The following FUZ variants were observed in gnomAD, a reference collection of about 807,000 sequenced individuals.
FUZ encodes the protein protein fuzzy homolog.
FUZ carries 31 observed loss-of-function variants against 43.1 expected under a neutral mutation model. The ratio of observed to expected loss-of-function variants is 0.72; its 90% CI spans 0.54 to 0.97. The LOEUF is 0.97. Among genes scored for constraint, FUZ ranks in the 50% least tolerant of loss-of-function variants. FUZ has a pLI of 0.00. For synonymous variants in FUZ, 274 were observed against 250.0 expected (o/e 1.10, Z -0.91); for missense variants, 539 against 543.8 (o/e 0.99, Z 0.09).
rs1482945946 is a variant in FUZ at position 49,807,157 on chromosome 19, A to T, written c.1251T>A (p.Leu417=). 1 of 1,612,960 alleles carries T rather than the reference A, an allele frequency of 6.2e-7. No homozygotes were observed. Among genetic ancestry groups the T allele is most frequent in the South Asian group, 1.1e-5 (1 of 91,012 alleles). Residue 417 remains leucine (L), a synonymous_variant, in exon 11 of 11, where the codon CTT becomes CTA. Coordinates refer to ENST00000313777, the MANE Select transcript of FUZ (RefSeq NM_025129.5). ...ATCACCCACTGCTAGGTAGTCAAAG[A>T]AGTGGGGTGAGGGCATGCAGAGTGT... ...ATHTLHALTP[L]L
At position 49,811,467 on chromosome 19, in the gene FUZ, C is replaced by G. The variant is rs781705103; in HGVS notation, c.388G>C (p.Ala130Pro). Residue 130 changes from alanine (A) to proline (P), a missense_variant and splice_region_variant, in exon 5 of 11, where the codon GCC (alanine) becomes CCC (proline). By Grantham distance (27) the Ala-to-Pro change is conservative. Coordinates refer to ENST00000313777, the MANE Select transcript of FUZ (RefSeq NM_025129.5). ...AAGCTGTCGATGAGGCAATAACTGG[C>G]CTAGGAGAGGAAGAAGGGACCAGCC... is the stretch of plus-strand genomic sequence containing the variant. Reference protein sequence around the residue: ...NVERLKKDLRASYCLIDSFLG... With the variant: ...NVERLKKDLRPSYCLIDSFLG... 7.4e-6 allele frequency: 12 copies of G among 1,613,636 alleles called. No homozygotes were observed. In the South Asian group the frequency reaches 1.3e-4, roughly 18 times the overall value.
rs1258260941 is a variant in FUZ at position 49,809,628 on chromosome 19, G to A, written c.493-53C>T. The A allele has an allele frequency of 6.5e-6, 10 of 1,526,718 alleles. No individual in the cohort carries two copies. The highest frequency in any genetic ancestry group is 4.8e-5 in the East Asian group (2 of 41,594). The allele number at this position is 1,526,718 out of a possible 1,614,324, so 94.6% of individuals were successfully genotyped here. On this transcript the variant is annotated intron_variant, in intron 5 of 10. Coordinates refer to ENST00000313777, the MANE Select transcript of FUZ (RefSeq NM_025129.5). This position sits in a 1 kb window ranked among gnomAD's most constrained non-coding sequence, Gnocchi z 5.1. The stretch of plus-strand genomic sequence containing the variant: ...AGTCAGCAGACAAGCGTAGGGGGTG[G>A]CAGCGACTTCCCAGATGGGCAGGGA...
upstream of FUZ, chr19:49,813,339 A>G (rs1323916884): frequency 4.8e-6 from 3 of 620,422 alleles, no homozygotes; most frequent in Non-Finnish European, 8.8e-6. Context: ...GCCGGAAGTC[A>G]CGGTACCCCT....
Position 49,807,129 on chromosome 19 carries a change from T to A in FUZ, c.*22A>T, listed in dbSNP as rs1380840817. On this transcript the variant is annotated 3_prime_UTR_variant, in exon 11 of 11. Transcript: ENST00000313777. The stretch of plus-strand genomic sequence containing the variant: ...AGACGCTAACAGCCCCATGTCTGTG[T>A]CCATCACCCACTGCTAGGTAGTCAA... 2 of 1,611,580 alleles carry A rather than the reference T, an allele frequency of 1.2e-6. No homozygotes were observed. The highest frequency in any genetic ancestry group is 2.2e-5 in the East Asian group (1 of 44,744).
chr19:49,812,839 C>A, intron 1 of FUZ, 103 bp from the exon 2 acceptor site: 1 of 1,484,032 alleles, frequency 6.7e-7, no homozygotes, highest in South Asian at 1.1e-5. Flanking sequence ...TCCATATGAC[C>A]TGGCAGTGCC....
At position 49,809,044 on chromosome 19, in the gene FUZ, G is replaced by A. The variant is rs554447895; in HGVS notation, c.786+119C>T. On this transcript the variant is annotated intron_variant, in intron 7 of 10. Coordinates refer to ENST00000313777, the MANE Select transcript of FUZ (RefSeq NM_025129.5). This position sits in a 1 kb window ranked among gnomAD's most constrained non-coding sequence, Gnocchi z 5.1. Reference sequence around the variant, plus strand: ...CTTGGCGGGTAGGTGAATGACTGGAGCGCAGTCCAGAAGAGGCGGGGCTGG... The same window carrying A: ...CTTGGCGGGTAGGTGAATGACTGGAACGCAGTCCAGAAGAGGCGGGGCTGG... 9.5e-7 allele frequency: 1 copy of A among 1,047,598 alleles called. No individual in the cohort carries two copies. Among genetic ancestry groups the A allele is most frequent in the Admixed American group, 2.0e-5 (1 of 50,362 alleles). 64.9% of individuals were successfully genotyped at this position (1,047,598 alleles called of 1,614,324 possible). A position where few individuals can be genotyped will look rare whatever the true frequency, so the allele number is the denominator to read the frequency against.
At chr19:49,808,208 G>A in intron 10 of FUZ, 1 of 644,708 alleles carries the variant, frequency 1.6e-6, no homozygotes, top group African/African-American at 1.8e-5. Context: ...CTATGATCCA[G>A]GAGATTCTGA....
intron 10 of FUZ, among the ~76,000 whole-genome samples, chr19:49,807,834 C>T (rs758104973): frequency 6.6e-6 from 1 of 152,224 alleles, no homozygotes; most frequent in East Asian, 1.9e-4. Flanking sequence ...CCGGGCTTCA[C>T]TGGGGTCACA....
Position 49,809,679 on chromosome 19 carries a change from C to G in FUZ, c.493-104G>C, listed in dbSNP as rs531794353. On this transcript the variant is annotated intron_variant, in intron 5 of 10. Transcript: ENST00000313777. The surrounding 1 kb of genome is among the most constrained non-coding windows in gnomAD (Gnocchi z 5.1). ...ATGGGGAGAAACCCACAGCCAGCCC[C>G]GAGCTCGCGCAGTGGCCATGCTCCT... 13 of 1,218,828 alleles carry G rather than the reference C, an allele frequency of 1.1e-5. No individual in the cohort carries two copies. The highest frequency in any genetic ancestry group is 6.0e-5 in the Admixed American group (3 of 50,414). The allele number at this position is 1,218,828 out of a possible 1,614,324, so 75.5% of individuals were successfully genotyped here.
At position 49,812,990 on chromosome 19, in the gene FUZ, C is replaced by A. The variant is rs1230753606; in HGVS notation, c.111+6G>T. ...TCGGTTTAGATACAGGCGTCCAAGGCCCCACCTGCTGACGGGCGGGGGCGC... is the reference window on the plus strand; with the variant it reads ...TCGGTTTAGATACAGGCGTCCAAGGACCCACCTGCTGACGGGCGGGGGCGC... On this transcript the variant is annotated splice_donor_region_variant and intron_variant, in intron 1 of 10. Transcript: ENST00000313777. 1 of 1,549,928 alleles carries A rather than the reference C, an allele frequency of 6.5e-7. No homozygotes were observed. The highest frequency in any genetic ancestry group is 8.7e-7 in the Non-Finnish European group (1 of 1,145,992).
Position 49,808,756 on chromosome 19 carries a change from G to A in FUZ, c.854C>T (p.Ala285Val), listed in dbSNP as rs747103238. 6 of 1,578,322 alleles carry A rather than the reference G, an allele frequency of 3.8e-6. No homozygotes were observed. Among genetic ancestry groups the A allele is most frequent in the African/African-American group, 1.3e-5 (1 of 74,222 alleles). Residue 285 changes from alanine to valine, a missense_variant, in exon 8 of 11, where the codon GCG becomes GTG. Ala to Val is a moderately conservative substitution (Grantham distance 64). Transcript: ENST00000313777. ...LRACLPLGPR[A>V]LPSGFPLHTD... Reference sequence around the variant, plus strand: ...GTGAAGGGGGAAGCCACTGGGCAGCGCCCGGGGTCCCAACGGCAGACAGGC... The same window carrying A: ...GTGAAGGGGGAAGCCACTGGGCAGCACCCGGGGTCCCAACGGCAGACAGGC...
At chr19:49,813,388 A>T (rs138010676), upstream of FUZ, 13,754 of 518,126 alleles carry the variant, frequency 0.027, 434 homozygotes, top group South Asian at 0.1. Flanking sequence ...AAAGCTTTCT[A>T]GTTTCTCCGA....
Position 49,811,423 on chromosome 19 carries a change from G to A in FUZ, c.432C>T (p.Leu144=). The change falls in exon 5 of 11, where the codon CTC becomes CTT. Residue 144 remains leucine, a synonymous_variant. Coordinates refer to ENST00000313777, the MANE Select transcript of FUZ (RefSeq NM_025129.5). ...LIDSFLGDSE[L]IGDLTQCVDC... is the part of the protein sequence containing the mutation. ...CCACACACTGGGTCAGGTCCCCGAT[G>A]AGCTCCGAGTCCCCCAGGAAGCTGT... is the stretch of plus-strand genomic sequence containing the variant. The A allele has an allele frequency of 6.2e-7, 1 of 1,613,950 alleles. No individual in the cohort carries two copies. The highest frequency in any genetic ancestry group is 2.2e-5 in the East Asian group (1 of 44,874).
intron 5 of FUZ, 125 bp downstream of exon 5, chr19:49,811,238 G>A (rs2073771660): frequency 2.8e-6 from 2 of 725,134 alleles, no homozygotes; most frequent in Non-Finnish European, 5.1e-6. Context: ...CTGGGACCAG[G>A]TGGGGATAGG....
At position 49,809,445 on chromosome 19, in the gene FUZ, A is replaced by G. The variant is rs1172137265; in HGVS notation, c.623T>C (p.Leu208Pro). Residue 208 changes from leucine (L) to proline (P), a missense_variant, in exon 6 of 11, where the codon CTG (leucine) becomes CCG (proline). Coordinates refer to ENST00000313777, the MANE Select transcript of FUZ (RefSeq NM_025129.5). This position sits in a 1 kb window ranked among gnomAD's most constrained non-coding sequence, Gnocchi z 5.1. ...GTPEAVLLPWLVGSLPPQTAR... is the reference protein window; with the variant it reads ...GTPEAVLLPWPVGSLPPQTAR... ...GGTCTGCGGCGGCAGGGACCCCACC[A>G]GCCAGGGGAGCAGCACGGCCTCGGG... 3 of 1,548,806 alleles carry G rather than the reference A, an allele frequency of 1.9e-6. No homozygotes were observed. The highest frequency in any genetic ancestry group is 1.2e-5 in the South Asian group (1 of 84,524).
chr19:49,809,981 T>G lies in FUZ; in HGVS notation c.493-406A>C. On this transcript the variant is annotated intron_variant, in intron 5 of 10. Transcript: ENST00000313777. The surrounding 1 kb of genome is among the most constrained non-coding windows in gnomAD (Gnocchi z 5.1). The stretch of plus-strand genomic sequence containing the variant: ...CACAAGAGCAGTATTTAAGTAGAGG[T>G]AGCTAGAGATCTGAGAGGCAGGAGG... 3 of 320,270 alleles carry G rather than the reference T, an allele frequency of 9.4e-6. No individual in the cohort carries two copies. Among genetic ancestry groups the G allele is most frequent in the South Asian group, 2.8e-5 (1 of 35,842 alleles). 19.8% of individuals were successfully genotyped at this position (320,270 alleles called of 1,614,324 possible). A position where few individuals can be genotyped will look rare whatever the true frequency, so the allele number is the denominator to read the frequency against.
chr19:49,811,801 T>C, intron 3 of FUZ, 102 bp from the exon 4 acceptor site: 1 of 1,003,956 alleles, frequency 1.0e-6, no homozygotes, highest in Non-Finnish European at 1.6e-6. Flanking sequence ...GTCTGGGGAC[T>C]GGGGAGTCAA....
chr19:49,813,133 G>C lies in FUZ; in HGVS notation c.-27C>G, dbSNP rs375562420. 6.6e-7 allele frequency: 1 copy of C among 1,525,838 alleles called. No individual in the cohort carries two copies. 94.5% of individuals were successfully genotyped at this position (1,525,838 alleles called of 1,614,324 possible). On this transcript the variant is annotated 5_prime_UTR_variant, in exon 1 of 11. Transcript: ENST00000313777. ...TAGGACTCCCACCGCGGTCCCTCAC[G>C]TGGGGACTGTCAGTGCGGGTCTTGG... is the stretch of plus-strand genomic sequence containing the variant.
At chr19:49,808,370 A>G (rs2073517363) in intron 10 of FUZ, 44 bp downstream of exon 10, 1 of 1,579,970 alleles carries the variant, frequency 6.3e-7, no homozygotes, top group African/African-American at 1.3e-5. Context: ...CCTGGGACTC[A>G]GTGTCCCCGC....
Sources: gnomAD v4.1 joint callset for allele counts (sites outside exome capture counted in the v4.1 genomes callset) on GRCh38, gnomAD v4.1.1 for gene constraint, Gnocchi (gnomAD v3.1) non-coding constraint, MANE v1.5 for transcripts, NCBI Gene and HGNC (gene_info 2026-07-23, HGNC 2026-07-21) for gene names.